The following UGT2A1 variants were observed in gnomAD, a reference collection of about 807,000 sequenced individuals.
UGT2A1 encodes UDP glucuronosyltransferase family 2 member A1 complex locus, also known as UDP-glucuronosyltransferase 2A1.
Under a neutral mutation model 45.4 loss-of-function variants are expected in UGT2A1, and 61 were observed. The ratio of observed to expected loss-of-function variants is 1.34; its 90% CI spans 1.09 to 1.66. UGT2A1 has a LOEUF of 1.66. Among genes scored for constraint, UGT2A1 ranks in the 40% most tolerant of loss-of-function variants. The pLI is 0.00. For missense variants in UGT2A1, 649 were observed against 574.3 expected (o/e 1.13, Z -1.33); for synonymous variants, 229 against 196.2 (o/e 1.17, Z -1.40).
chr4:69,634,547 G>A (rs1721571167), intron 3 of UGT2A1, among the ~76,000 whole-genome samples: 1 of 151,236 alleles, frequency 6.6e-6, no homozygotes, highest in African/African-American at 2.4e-5. Context: ...AGAGGGGGAA[G>A]GTTAAGAGGC....
At position 69,647,806 on chromosome 4, in the gene UGT2A1, C is replaced by T. The variant is rs548524764; in HGVS notation, c.-54-108G>A. On this transcript the variant is annotated intron_variant, in intron 1 of 6. Coordinates refer to ENST00000286604, the MANE Select transcript of UGT2A1 (RefSeq NM_001252275.3). ...AAAGTGATACTAGTCATAGTAGCTC[C>T]ATATTTTAGGATATTTACAGATTTA... 1.1e-4 allele frequency: 54 copies of T among 483,646 alleles called. 1 individual carries two copies. The South Asian group carries it at 2.3e-3, about 21-fold the overall frequency. 30.0% of individuals were successfully genotyped at this position (483,646 alleles called of 1,614,324 possible).
intron 1 of UGT2A1, among the ~76,000 whole-genome samples, chr4:69,649,447 C>G (rs1336795694): frequency 6.6e-6 from 1 of 152,024 alleles, no homozygotes; most frequent in African/African-American, 2.4e-5. Flanking sequence ...TTATTTTCTT[C>G]TATTTATTTA....
chr4:69,597,134 G>A (rs927888184), intron 4 of UGT2A1, among the ~76,000 whole-genome samples: 3 of 152,110 alleles, frequency 2.0e-5, no homozygotes, highest in Admixed American at 6.5e-5. Flanking sequence ...TTCCTGTTAA[G>A]CATTCAAGAT....
rs1560463401 is a variant in UGT2A1, at chr4:69,589,494, A to G, written c.1462T>C (p.Ser488Pro). The part of the protein sequence containing the change: ...AHDLTWFQYH[S>P]LDVIGFLLVC... The stretch of plus-strand genomic sequence containing the variant: ...AGCAAGAACCCAATTACATCCAAAG[A>G]GTGGTACTGGAACCAGGTGAGGTCA... The change falls in exon 7 of 7, where the codon TCT (serine) becomes CCT (proline). Residue 488 changes from serine (S) to proline (P), a missense_variant. Coordinates refer to ENST00000286604, the MANE Select transcript of UGT2A1 (RefSeq NM_001252275.3). 2.5e-6 allele frequency: 4 copies of G among 1,614,084 alleles called. No homozygotes were observed. The highest frequency in any genetic ancestry group is 3.4e-6 in the Non-Finnish European group (4 of 1,180,004).
chr4:69,628,586 C>T (rs1242383295), intron 3 of UGT2A1, among the ~76,000 whole-genome samples: 1 of 151,252 alleles, frequency 6.6e-6, no homozygotes, highest in Non-Finnish European at 1.5e-5. Context: ...GAAGCCATCA[C>T]TCTTCAAATT....
Position 69,615,890 on chromosome 4 carries a change from C to T in UGT2A1, c.848-16496G>A, listed in dbSNP as rs115348754. Among the ~76,000 whole-genome samples, 654 of 151,992 alleles carry T rather than the reference C, an allele frequency of 4.3e-3. 7 individuals carry two copies. The highest frequency in any genetic ancestry group is 0.013 in the African/African-American group (549 of 41,478). ...CTAAAAATAAAACTACCATATGATC[C>T]GACAATCACACTGCTGGGTATATAT... is the stretch of plus-strand genomic sequence containing the variant. On this transcript the variant is annotated intron_variant, in intron 3 of 6. Coordinates refer to ENST00000286604, the MANE Select transcript of UGT2A1 (RefSeq NM_001252275.3).
In UGT2A1 at chr4:69,594,564, G is replaced by C; in HGVS notation, c.1217C>G (p.Ala406Gly). ...DQPDNIAHMKAKGAAVEVNLN... is the reference protein window; with the variant it reads ...DQPDNIAHMKGKGAAVEVNLN... ...GTTCACTTCCACAGCTGCTCCTTTGGCCTTCATGTGAGCAATGTTATCAGG... is the reference window on the plus strand; with the variant it reads ...GTTCACTTCCACAGCTGCTCCTTTGCCCTTCATGTGAGCAATGTTATCAGG... The change falls in exon 6 of 7, where the codon GCC becomes GGC. Residue 406 changes from alanine (A) to glycine (G), a missense_variant. Transcript: ENST00000286604. 1 of 1,614,044 alleles carries C rather than the reference G, an allele frequency of 6.2e-7. No individual in the cohort carries two copies. Among genetic ancestry groups the C allele is most frequent in the Non-Finnish European group, 8.5e-7 (1 of 1,180,028 alleles).
At chr4:69,651,237 C>A (rs1249735330) in intron 1 of UGT2A1, among the ~76,000 whole-genome samples, 1 of 152,018 alleles carries the variant, frequency 6.6e-6, no homozygotes, top group Non-Finnish European at 1.5e-5. Flanking sequence ...AAGATTTGGC[C>A]TAAAATGTGG....
intron 4 of UGT2A1, chr4:69,596,174 T>C: frequency 7.3e-7 from 1 of 1,375,432 alleles, no homozygotes; most frequent in Non-Finnish European, 9.5e-7. Context: ...GATTTTCATA[T>C]GGAAAGAACA....
intron 2 of UGT2A1, among the ~76,000 whole-genome samples, chr4:69,643,112 A>G (rs1218537885): frequency 6.6e-6 from 1 of 151,538 alleles, no homozygotes; most frequent in Non-Finnish European, 1.5e-5. Flanking sequence ...ATATCCCTAG[A>G]CAATCCTCCC....
chr4:69,595,189 C>G lies in UGT2A1; in HGVS notation c.1057G>C (p.Asp353His). The change falls in exon 5 of 7, where the codon GAT (aspartate) becomes CAT (histidine). Residue 353 changes from aspartate to histidine, a missense_variant. By Grantham distance (81) the Asp-to-His change is moderately conservative. Transcript: ENST00000286604. ...AGAAGATCATTCTGGGGTATCCAAT[C>G]AAAGAGCTGAGTATTGTTTCCTAAT... ...ATLGNNTQLF[D>H]WIPQNDLLGH... 1 of 1,613,836 alleles carries G rather than the reference C, an allele frequency of 6.2e-7. No individual in the cohort carries two copies. The highest frequency in any genetic ancestry group is 8.5e-7 in the Non-Finnish European group (1 of 1,179,850).
Position 69,595,228 on chromosome 4 carries a change from T to G in UGT2A1, c.1018A>C (p.Lys340Gln). The G allele has an allele frequency of 6.2e-7, 1 of 1,613,808 alleles. No homozygotes were observed. The highest frequency in any genetic ancestry group is 8.5e-7 in the Non-Finnish European group (1 of 1,179,846). The change falls in exon 5 of 7, where the codon AAG (lysine) becomes CAG (glutamine). Residue 340 changes from lysine to glutamine, a missense_variant. Coordinates refer to ENST00000286604, the MANE Select transcript of UGT2A1 (RefSeq NM_001252275.3). ...LPKVLWRYKG[K>Q]KPATLGNNTQ... ...TTGTTTCCTAATGTGGCTGGTTTCT[T>G]TCCTTTGTATCTCCATAAAACCTGT...
chr4:69,625,552 T>G (rs542197267), intron 3 of UGT2A1, among the ~76,000 whole-genome samples: 1 of 151,350 alleles, frequency 6.6e-6, no homozygotes, highest in Non-Finnish European at 1.5e-5. Flanking sequence ...TACTATCCAA[T>G]GTATTTTTAA....
chr4:69,652,363 A>G (rs1722568213), intron 1 of UGT2A1, among the ~76,000 whole-genome samples: 1 of 138,108 alleles, frequency 7.2e-6, no homozygotes, highest in East Asian at 2.1e-4. Flanking sequence ...GGGTCACTGC[A>G]ACCTCCATTT....
rs1560474242 is a variant in UGT2A1 at position 69,606,117 on chromosome 4, C to A, written c.848-6723G>T. ...ATATCAAAGCCTGGCAGAGACACAACAAAAAAAGAGAATTTTAGACCAATA... is the reference window on the plus strand; with the variant it reads ...ATATCAAAGCCTGGCAGAGACACAAAAAAAAAAGAGAATTTTAGACCAATA... On this transcript the variant is annotated intron_variant, in intron 3 of 6. Coordinates refer to ENST00000286604, the MANE Select transcript of UGT2A1 (RefSeq NM_001252275.3). 3.0e-5 allele frequency among the ~76,000 whole-genome samples: 4 copies of A among 133,996 alleles called. 1 individual carries two copies. The highest frequency in any genetic ancestry group is 7.3e-5 in the Admixed American group (1 of 13,658). The allele number at this position is 133,996 out of a possible 152,430, so 87.9% of individuals were successfully genotyped here.
At chr4:69,632,152 GAT>G (rs2109956919) in intron 3 of UGT2A1, among the ~76,000 whole-genome samples, 1 of 152,192 alleles carries the variant, frequency 6.6e-6, no homozygotes, top group East Asian at 1.9e-4. Flanking sequence ...TGAATTCAAA[GAT>G]AATTACATTC....
intron 2 of UGT2A1, among the ~76,000 whole-genome samples, chr4:69,638,523 T>C (rs1425730759): frequency 6.6e-6 from 1 of 152,084 alleles, no homozygotes; most frequent in Non-Finnish European, 1.5e-5. Context: ...AAGAAAATAA[T>C]GAAGGACAAA....
rs1170787910 is a variant in UGT2A1, at chr4:69,628,653, G to A, written c.847+7038C>T. ...AGAACTTTTTTGAATTAATACAATGGTTATATATTTAACATAAGCTTAAAT... is the reference window on the plus strand; with the variant it reads ...AGAACTTTTTTGAATTAATACAATGATTATATATTTAACATAAGCTTAAAT... On this transcript the variant is annotated intron_variant, in intron 3 of 6. Coordinates refer to ENST00000286604, the MANE Select transcript of UGT2A1 (RefSeq NM_001252275.3). 2.7e-5 allele frequency among the ~76,000 whole-genome samples: 4 copies of A among 148,658 alleles called. No individual in the cohort carries two copies. In the East Asian group the frequency reaches 7.9e-4, roughly 29 times the overall value.
intron 3 of UGT2A1, among the ~76,000 whole-genome samples, chr4:69,627,582 GA>G (rs910514836): frequency 2.9e-4 from 41 of 142,634 alleles, no homozygotes; most frequent in African/African-American, 9.4e-4. Context: ...AAGAGAGAAA[GA>G]AAAAAAGAAG....
Sources: gnomAD v4.1 joint callset for allele counts (sites outside exome capture counted in the v4.1 genomes callset) on GRCh38, gnomAD v4.1.1 for gene constraint, MANE v1.5 for transcripts, NCBI Gene and HGNC (gene_info 2026-07-23, HGNC 2026-07-21) for gene names.